Variants in VWC2L observed in about 807,000 individuals in gnomAD.
The protein encoded by VWC2L is von Willebrand factor C domain containing 2 like, also known as von Willebrand factor C domain-containing protein 2-like.
VWC2L carries 10 observed loss-of-function variants against 21.6 expected under a neutral mutation model. The ratio of observed to expected loss-of-function variants is 0.46; its 90% CI spans 0.29 to 0.78. The LOEUF is 0.78. Ranked by LOEUF, VWC2L falls within the 30% of genes least tolerant of loss-of-function variation. The pLI is 0.10. For synonymous variants in VWC2L, 96 were observed against 94.3 expected, an observed-to-expected ratio of 1.02 and a Z score of -0.10; for missense variants, 209 against 277.1, an observed-to-expected ratio of 0.75 and a Z score of 1.74.
intron 3 of VWC2L, among the ~76,000 whole-genome samples, chr2:214,473,448 C>T (rs1481965015): frequency 6.6e-6 from 1 of 152,150 alleles, no homozygotes; most frequent in Admixed American, 6.5e-5. Flanking sequence ...GCTCCCATGC[C>T]TGAAGAGTTT....
chr2:214,552,607 T>A (rs1439268989), intron 3 of VWC2L, among the ~76,000 whole-genome samples: 1 of 152,180 alleles, frequency 6.6e-6, no homozygotes, highest in Non-Finnish European at 1.5e-5. Flanking sequence ...TACTCCTATT[T>A]CTGTAATCAT....
rs142610152 is a variant in VWC2L at position 214,526,739 on chromosome 2, C to T, written c.521-48933C>T. 7.0e-3 allele frequency among the ~76,000 whole-genome samples: 1,071 copies of T among 152,286 alleles called. 5 individuals carry two copies. Among genetic ancestry groups the T allele is most frequent in the Non-Finnish European group, 0.011 (749 of 68,022 alleles). On this transcript the variant is annotated intron_variant, in intron 3 of 3. Transcript: ENST00000312504. ...TAACTCTCTGATGAAGAAAAAAGAA[C>T]GCTTATACCATGCTGGTGAGAATGT...
chr2:214,476,248 C>T (rs1029537195), intron 3 of VWC2L, among the ~76,000 whole-genome samples: 4 of 152,136 alleles, frequency 2.6e-5, no homozygotes, highest in Admixed American at 2.6e-4. Context: ...GCACATATTG[C>T]ATTATTGAAA....
intron 2 of VWC2L, among the ~76,000 whole-genome samples, chr2:214,416,475 A>C (rs1221705736): frequency 6.6e-6 from 1 of 152,032 alleles, no homozygotes. Context: ...AAAATAATAG[A>C]TATCACTTTT....
intron 3 of VWC2L, among the ~76,000 whole-genome samples, chr2:214,509,506 G>A (rs1181131891): frequency 6.6e-6 from 1 of 152,092 alleles, no homozygotes; most frequent in Non-Finnish European, 1.5e-5. Flanking sequence ...TGCACTGCCT[G>A]GGAGGTGGAA....
chr2:214,477,269 C>T (rs1044250260), intron 3 of VWC2L, among the ~76,000 whole-genome samples: 9 of 152,144 alleles, frequency 5.9e-5, no homozygotes, highest in Non-Finnish European at 1.3e-4. Flanking sequence ...GGGAAATTCC[C>T]CAAGCAATGG....
At chr2:214,456,405 T>G (rs941048914) in intron 3 of VWC2L, among the ~76,000 whole-genome samples, 42 of 152,070 alleles carry the variant, frequency 2.8e-4, no homozygotes, top group African/African-American at 1.0e-3. Context: ...TTGTTTGGGT[T>G]TTTTTGTTTG....
chr2:214,570,237 A>G (rs940501679), intron 3 of VWC2L, among the ~76,000 whole-genome samples: 2 of 152,216 alleles, frequency 1.3e-5, no homozygotes, highest in African/African-American at 4.8e-5. Context: ...CTCTGCTGTT[A>G]TATATTTCTC....
chr2:214,422,037 G>C (rs1176296262), intron 2 of VWC2L, among the ~76,000 whole-genome samples: 1 of 150,918 alleles, frequency 6.6e-6, no homozygotes, highest in Non-Finnish European at 1.5e-5. Flanking sequence ...TTACAGGCGC[G>C]TGCCACCATG....
At chr2:214,507,548 T>A (rs553201007) in intron 3 of VWC2L, among the ~76,000 whole-genome samples, 2 of 152,314 alleles carry the variant, frequency 1.3e-5, no homozygotes, top group Non-Finnish European at 2.9e-5. Context: ...TCCTGGCAAG[T>A]CAGTGATGGA....
At chr2:214,470,052 A>G (rs1318245557) in intron 3 of VWC2L, among the ~76,000 whole-genome samples, 1 of 152,246 alleles carries the variant, frequency 6.6e-6, no homozygotes, top group Non-Finnish European at 1.5e-5. Context: ...TATTAATATT[A>G]CATGTAAGTC....
At chr2:214,499,205 G>C (rs549287804) in intron 3 of VWC2L, among the ~76,000 whole-genome samples, 5 of 151,534 alleles carry the variant, frequency 3.3e-5, no homozygotes, top group Non-Finnish European at 7.4e-5. Context: ...TTTTAGTAGA[G>C]ATGGGTGTTT....
intron 3 of VWC2L, among the ~76,000 whole-genome samples, chr2:214,492,945 T>C (rs1688764388): frequency 6.6e-6 from 1 of 152,178 alleles, no homozygotes; most frequent in African/African-American, 2.4e-5. Flanking sequence ...CAGGTTTCAT[T>C]GGTCAAAGCT....
At chr2:214,549,737 C>T (rs1185559736) in intron 3 of VWC2L, among the ~76,000 whole-genome samples, 1 of 152,246 alleles carries the variant, frequency 6.6e-6, no homozygotes, top group Non-Finnish European at 1.5e-5. Flanking sequence ...CGTGCCACTG[C>T]ACTCCAGCCT....
At chr2:214,559,876 T>C (rs769764094) in intron 3 of VWC2L, among the ~76,000 whole-genome samples, 3 of 152,230 alleles carry the variant, frequency 2.0e-5, no homozygotes, top group African/African-American at 4.8e-5. Context: ...GCTGGGATTA[T>C]AGGCATGAGC....
At chr2:214,458,143 C>T (rs769141707) in intron 3 of VWC2L, among the ~76,000 whole-genome samples, 1 of 151,980 alleles carries the variant, frequency 6.6e-6, no homozygotes, top group African/African-American at 2.4e-5. Flanking sequence ...TTGGTCTATT[C>T]AGGTTTTCTA....
intron 3 of VWC2L, chr2:214,525,356 AAC>A (rs1689317026): frequency 6.6e-6 from 1 of 152,212 alleles, no homozygotes. Context: ...GCAACTCGGT[AAC>A]AGAGTATACA....
chr2:214,561,325 A>C (rs1689966985), intron 3 of VWC2L, among the ~76,000 whole-genome samples: 1 of 152,106 alleles, frequency 6.6e-6, no homozygotes, highest in Admixed American at 6.6e-5. Context: ...ATTGTACAAA[A>C]ATTGGTTTCC....
At chr2:214,461,713 C>G (rs1703143927) in intron 3 of VWC2L, among the ~76,000 whole-genome samples, 2 of 152,124 alleles carry the variant, frequency 1.3e-5, no homozygotes, top group South Asian at 4.1e-4. Flanking sequence ...GTGGTACACA[C>G]AGGAGCAGGT....
Sources: allele counts gnomAD v4.1 joint callset (sites outside exome capture counted in the v4.1 genomes callset), GRCh38; gene constraint gnomAD v4.1.1; transcripts MANE v1.5; gene names NCBI Gene and HGNC (gene_info 2026-07-23, HGNC 2026-07-21).